Variants in SI observed in about 807,000 individuals in gnomAD.
SI encodes the protein sucrase-isomaltase, intestinal.
A neutral mutation model predicts 253.3 loss-of-function variants in SI; 235 were observed. That is an observed-to-expected ratio of 0.93 (90% CI 0.83 to 1.03). The LOEUF (loss-of-function observed/expected upper bound fraction) is 1.03. Ranked by LOEUF, SI falls within the 50% of genes least tolerant of loss-of-function variation. The pLI is 0.00. For synonymous variants in SI, 819 were observed against 712.0 expected (o/e 1.15, Z -2.39); for missense variants, 2,442 against 2,211.1 (o/e 1.10, Z -2.09).
At chr3:165,016,959 T>G (rs1170878865) in intron 31 of SI, among the ~76,000 whole-genome samples, 2 of 152,092 alleles carry the variant, frequency 1.3e-5, no homozygotes, top group East Asian at 1.9e-4. Context: ...GAATAAACTC[T>G]TATATATCAA....
intron 1 of SI, among the ~76,000 whole-genome samples, chr3:165,077,381 T>C (rs971487864): frequency 3.3e-5 from 5 of 151,700 alleles, no homozygotes; most frequent in African/African-American, 7.2e-5. Flanking sequence ...TATATGTTAA[T>C]TTCCTCAATT....
intron 7 of SI, among the ~76,000 whole-genome samples, chr3:165,064,090 A>G (rs934599914): frequency 2.0e-5 from 3 of 151,538 alleles, no homozygotes; most frequent in African/African-American, 7.2e-5. Flanking sequence ...AAATAAAATA[A>G]AAAATAAAAA....
At chr3:165,018,540 T>C (rs1011407129) in intron 28 of SI, among the ~76,000 whole-genome samples, 3 of 150,626 alleles carry the variant, frequency 2.0e-5, no homozygotes, top group African/African-American at 7.3e-5. Flanking sequence ...ATATATTTTA[T>C]ATTTATAGAA....
At chr3:165,048,876 C>T (rs115330448) in intron 15 of SI, among the ~76,000 whole-genome samples, 421 of 152,066 alleles carry the variant, frequency 2.8e-3, no homozygotes, top group African/African-American at 9.6e-3. Flanking sequence ...CTCGGCCTCC[C>T]AATGTGCTGG....
chr3:165,014,399 C>T (rs1237089192), intron 33 of SI, among the ~76,000 whole-genome samples: 1 of 152,096 alleles, frequency 6.6e-6, no homozygotes, highest in East Asian at 1.9e-4. Context: ...CAGGCACCCG[C>T]CACCATGCCC....
At chr3:165,052,240 C>T (rs970567074) in intron 13 of SI, among the ~76,000 whole-genome samples, 41 of 152,028 alleles carry the variant, frequency 2.7e-4, no homozygotes, top group Non-Finnish European at 1.2e-4. Flanking sequence ...AGTGAAACTA[C>T]AGTTATTTAA....
intron 33 of SI, 97 bp downstream of exon 33, chr3:165,015,026 G>T: frequency 1.2e-6 from 1 of 831,542 alleles, no homozygotes; most frequent in Non-Finnish European, 2.0e-6. Flanking sequence ...TTTCTGTATA[G>T]CTCTCCTGAA....
At chr3:165,059,687 A>G (rs898549442) in intron 10 of SI, among the ~76,000 whole-genome samples, 8 of 152,014 alleles carry the variant, frequency 5.3e-5, no homozygotes, top group African/African-American at 1.4e-4. Flanking sequence ...CTGTTCTAGT[A>G]TAACTAACAA....
chr3:165,032,987 T>A (rs1197186714), intron 23 of SI, among the ~76,000 whole-genome samples: 1 of 151,426 alleles, frequency 6.6e-6, no homozygotes, highest in African/African-American at 2.4e-5. Context: ...GAAGAATGTA[T>A]GAAAAAACCC....
At chr3:165,026,072 C>T (rs892640284) in intron 25 of SI, among the ~76,000 whole-genome samples, 1 of 151,252 alleles carries the variant, frequency 6.6e-6, no homozygotes, top group Admixed American at 6.6e-5. Context: ...AACCAACTAT[C>T]TGCTGCCTCC....
At chr3:164,991,559 T>TA (rs1370223568) in intron 43 of SI, 82 bp from the exon 44 acceptor site, 7 of 1,427,010 alleles carry the variant, frequency 4.9e-6, no homozygotes, top group East Asian at 4.6e-5. Context: ...ATATACATTT[T>TA]AAAAAATCAA....
intron 16 of SI, among the ~76,000 whole-genome samples, chr3:165,043,862 C>G (rs1229383466): frequency 6.6e-6 from 1 of 151,724 alleles, no homozygotes; most frequent in Non-Finnish European, 1.5e-5. Context: ...GTGTGAAATT[C>G]AATTATATTA....
At chr3:165,066,158 A>G (rs945181903) in intron 6 of SI, among the ~76,000 whole-genome samples, 5 of 151,946 alleles carry the variant, frequency 3.3e-5, no homozygotes, top group African/African-American at 9.7e-5. Context: ...CTCTTTACAT[A>G]TAATTTACAT....
chr3:165,007,468 T>C (rs1718567919), intron 36 of SI, among the ~76,000 whole-genome samples: 1 of 152,072 alleles, frequency 6.6e-6, no homozygotes. Flanking sequence ...CAGATAAGTG[T>C]TAGCATTCTT....
chr3:164,979,044 A>T lies in SI; in HGVS notation c.*318T>A. ...TATAATTACATAAAAATTTTATTTA[A>T]TTTAAAAATCACGTTTAAATTATAT... On this transcript the variant is annotated 3_prime_UTR_variant, in exon 48 of 48. Coordinates refer to ENST00000264382, the MANE Select transcript of SI (RefSeq NM_001041.4). 1 of 176,156 alleles carries T rather than the reference A, an allele frequency of 5.7e-6. No individual in the cohort carries two copies. Among genetic ancestry groups the T allele is most frequent in the East Asian group, 1.4e-4 (1 of 7,210 alleles). The allele number at this position is 176,156 out of a possible 1,614,324, so 10.9% of individuals were successfully genotyped here. A position where few individuals can be genotyped will look rare whatever the true frequency, so the allele number is the denominator to read the frequency against.
rs1428426231 is a variant in SI at position 165,063,491 on chromosome 3, A to G, written c.858T>C (p.Asp286=). 4 of 1,571,412 alleles carry G rather than the reference A, an allele frequency of 2.5e-6. No individual in the cohort carries two copies. The highest frequency in any genetic ancestry group is 3.5e-6 in the Non-Finnish European group (4 of 1,144,112). Residue 286 remains aspartate (D), a synonymous_variant, in exon 8 of 48, where the codon GAT becomes GAC. Coordinates refer to ENST00000264382, the MANE Select transcript of SI (RefSeq NM_001041.4). ...GHQTFFMCIE[D]TSGKSFGVFL... ...AAACACCGAATGACTTTCCAGATGT[A>G]TCTTCAATACACATAAAGAATGTTT...
chr3:164,988,487 A>G (rs1386394847), intron 44 of SI, among the ~76,000 whole-genome samples: 3 of 152,134 alleles, frequency 2.0e-5, no homozygotes, highest in Non-Finnish European at 2.9e-5. Flanking sequence ...AAAAATAAGG[A>G]TTATTCAAGG....
intron 26 of SI, among the ~76,000 whole-genome samples, chr3:165,022,928 T>G (rs1711704163): frequency 6.6e-6 from 1 of 151,580 alleles, no homozygotes; most frequent in African/African-American, 2.4e-5. Flanking sequence ...TTTTTAATAG[T>G]TTTTCTCCTT....
At chr3:165,002,053 G>A (rs1718279572) in intron 37 of SI, among the ~76,000 whole-genome samples, 1 of 151,478 alleles carries the variant, frequency 6.6e-6, no homozygotes, top group Non-Finnish European at 1.5e-5. Context: ...AGCATTCAGA[G>A]GGAGTCAAAG....
Sources: gnomAD v4.1 joint callset for allele counts (sites outside exome capture counted in the v4.1 genomes callset) on GRCh38, gnomAD v4.1.1 for gene constraint, MANE v1.5 for transcripts, NCBI Gene and HGNC (gene_info 2026-07-23, HGNC 2026-07-21) for gene names.